The following GSPT1 variants were observed in gnomAD, a reference collection of about 807,000 sequenced individuals.
GSPT1 encodes G1 to S phase transition 1, also known as eukaryotic peptide chain release factor GTP-binding subunit ERF3A.
GSPT1 carries 20 observed loss-of-function variants against 72.5 expected under a neutral mutation model. The ratio of observed to expected loss-of-function variants is 0.28; its 90% CI spans 0.19 to 0.40. The LOEUF is 0.40. GSPT1 is among the 10% of genes least tolerant of loss of function. The probability of loss-of-function intolerance (pLI) is 1.00; values close to 1 mark genes in which losing one functional copy is unlikely to be tolerated. For missense variants in GSPT1, 580 were observed against 811.9 expected, an observed-to-expected ratio of 0.71 and a Z score of 3.47; for synonymous variants, 334 against 293.5, an observed-to-expected ratio of 1.14 and a Z score of -1.41.
At chr16:11,878,133 G>A (rs1184895163) in intron 11 of GSPT1, among the ~76,000 whole-genome samples, 1 of 151,998 alleles carries the variant, frequency 6.6e-6, no homozygotes, top group Non-Finnish European at 1.5e-5. Flanking sequence ...TTTTTATTTT[G>A]AGACAGAGTT....
intron 14 of GSPT1, among the ~76,000 whole-genome samples, chr16:11,875,252 A>T (rs1490036623): frequency 6.6e-6 from 1 of 152,108 alleles, no homozygotes; most frequent in Non-Finnish European, 1.5e-5. Context: ...GGACAGGAAT[A>T]TTAAAAGCTC....
At chr16:11,911,111 T>C (rs1002445402) in intron 1 of GSPT1, among the ~76,000 whole-genome samples, 2 of 152,234 alleles carry the variant, frequency 1.3e-5, no homozygotes, top group Admixed American at 6.5e-5. Context: ...AGCACTGTTC[T>C]TGCAGGCACT....
At chr16:11,908,792 A>AAAT (rs2054521703) in intron 1 of GSPT1, 1 of 113,688 alleles carries the variant, frequency 8.8e-6, no homozygotes, top group African/African-American at 2.9e-5. Flanking sequence ...AAAAAAAAAA[A>AAAT]TACAAAAATT....
At chr16:11,892,236 G>A (rs1335466540) in intron 5 of GSPT1, among the ~76,000 whole-genome samples, 2 of 151,752 alleles carry the variant, frequency 1.3e-5, no homozygotes, top group African/African-American at 4.8e-5. Context: ...CTAGCTACTT[G>A]GGAGGCTGAA....
chr16:11,898,441 CTTT>C (rs5815660), intron 1 of GSPT1, among the ~76,000 whole-genome samples: 31 of 107,026 alleles, frequency 2.9e-4, no homozygotes, highest in African/African-American at 7.5e-4. Flanking sequence ...GTGATTAGCC[CTTT>C]TTTTTTTTTT....
Position 11,897,876 on chromosome 16 carries a change from T to C in GSPT1, c.400A>G (p.Asn134Asp), listed in dbSNP as rs749346748. The change falls in exon 3 of 15, where the codon AAT becomes GAT. Residue 134 changes from asparagine to aspartate, a missense_variant. Transcript: ENST00000434724. ...GAAAGTTCCATGCTAACAGCTGAAT[T>C]TGAACCTAGACAAGAGATTGAAATA... is the stretch of plus-strand genomic sequence containing the variant. ...QEEQSLCEGS[N>D]SAVSMELSEP... 66 of 1,543,856 alleles carry C rather than the reference T, an allele frequency of 4.3e-5. No homozygotes were observed. In the Admixed American group the frequency reaches 5.5e-4, roughly 13 times the overall value.
intron 10 of GSPT1, among the ~76,000 whole-genome samples, chr16:11,884,678 C>T (rs986982944): frequency 1.3e-5 from 2 of 150,998 alleles, no homozygotes; most frequent in African/African-American, 4.9e-5. Flanking sequence ...GCTGGAGAAT[C>T]TCTTGAACCT....
intron 5 of GSPT1, among the ~76,000 whole-genome samples, chr16:11,893,353 G>A (rs2054293748): frequency 6.6e-6 from 1 of 151,876 alleles, no homozygotes; most frequent in African/African-American, 2.4e-5. Context: ...CTTGAAGCCT[G>A]GGCTCAAATG....
chr16:11,886,485 G>T lies in GSPT1; in HGVS notation c.1239C>A (p.Phe413Leu). 6.2e-7 allele frequency: 1 copy of T among 1,612,436 alleles called. No homozygotes were observed. The highest frequency in any genetic ancestry group is 8.5e-7 in the Non-Finnish European group (1 of 1,178,932). ...TGANLKEQSDFCPWYIGLPFI... is the reference protein window; with the variant it reads ...TGANLKEQSDLCPWYIGLPFI... ...CAGTTACTTACATGTACCAAGGACA[G>T]AAATCCGACTGCTCTTTGAGATTTG... Residue 413 changes from phenylalanine (F) to leucine (L), a missense_variant, in exon 9 of 15, where the codon TTC becomes TTA. Physicochemically the swap from Phe to Leu is conservative, Grantham distance 22. This residue lies in a region of GSPT1 where 45 missense variants were observed against 43.0 expected (regional missense o/e 1.05). Transcript: ENST00000434724.
chr16:11,896,926 C>T, intron 3 of GSPT1, 141 bp from the exon 4 acceptor site: 1 of 637,044 alleles, frequency 1.6e-6, no homozygotes, highest in Non-Finnish European at 2.7e-6. Flanking sequence ...AGCAGGAAAA[C>T]CTCTTTCATA....
upstream of GSPT1, chr16:11,916,069 C>T: frequency 1.8e-6 from 1 of 557,536 alleles, no homozygotes; most frequent in East Asian, 4.7e-5. Context: ...TCTGTTCTGG[C>T]CGCCCCCGTT....
chr16:11,902,153 C>T (rs139015734), intron 1 of GSPT1, among the ~76,000 whole-genome samples: 1,527 of 150,452 alleles, frequency 0.01, 12 homozygotes, highest in Non-Finnish European at 0.017. Context: ...GAGGCCGAGG[C>T]GGGTGGATCA....
At chr16:11,875,671 T>C (rs2054039105) in intron 14 of GSPT1, 90 bp downstream of exon 14, 1 of 852,624 alleles carries the variant, frequency 1.2e-6, no homozygotes, top group Non-Finnish European at 1.8e-6. Context: ...TCTGTGAACC[T>C]GTTGCAATGT....
At chr16:11,887,198 G>A (rs2054195938) in intron 7 of GSPT1, among the ~76,000 whole-genome samples, 1 of 151,370 alleles carries the variant, frequency 6.6e-6, no homozygotes, top group Non-Finnish European at 1.5e-5. Flanking sequence ...AACTACAAAG[G>A]AAAAAAAATT....
chr16:11,868,194 T>C lies in GSPT1; in HGVS notation c.*4925A>G, dbSNP rs1286474277. 2.6e-5 allele frequency: 4 copies of C among 152,166 alleles called. No individual in the cohort carries two copies. Among genetic ancestry groups the C allele is most frequent in the East Asian group, 1.9e-4 (1 of 5,196 alleles). 9.4% of individuals were successfully genotyped at this position (152,166 alleles called of 1,614,324 possible). ...CAAATTTAATTTGTCATTTGAATAATTGCAAGAGCAGACTAAGGGCTTAAT... is the reference window on the plus strand; with the variant it reads ...CAAATTTAATTTGTCATTTGAATAACTGCAAGAGCAGACTAAGGGCTTAAT... On this transcript the variant is annotated 3_prime_UTR_variant, in exon 15 of 15. Transcript: ENST00000434724.
chr16:11,887,527 G>A (rs1416880033), intron 7 of GSPT1, 43 bp downstream of exon 7: 1 of 1,477,930 alleles, frequency 6.8e-7, no homozygotes, highest in South Asian at 1.2e-5. Context: ...TATAAGCGGG[G>A]CTACTAACAA....
intron 14 of GSPT1, among the ~76,000 whole-genome samples, chr16:11,873,489 T>TTA (rs1370680602): frequency 6.6e-6 from 1 of 152,192 alleles, no homozygotes; most frequent in Non-Finnish European, 1.5e-5. Flanking sequence ...TTTTGTATTT[T>TTA]TAGTTGAGAC....
At chr16:11,903,285 C>T (rs780477094) in intron 1 of GSPT1, among the ~76,000 whole-genome samples, 19 of 151,896 alleles carry the variant, frequency 1.3e-4, no homozygotes, top group Non-Finnish European at 1.0e-4. Context: ...CTGAGGCAGA[C>T]GGACCACATG....
At chr16:11,887,902 C>T (rs2054203704) in intron 6 of GSPT1, among the ~76,000 whole-genome samples, 152 bp from the exon 7 acceptor site, 1 of 152,200 alleles carries the variant, frequency 6.6e-6, no homozygotes, top group African/African-American at 2.4e-5. Flanking sequence ...CGGTGGCTCA[C>T]ATCTGTAATC....
Sources: gnomAD v4.1 joint callset for allele counts (sites outside exome capture counted in the v4.1 genomes callset) on GRCh38, gnomAD v4.1.1 for gene constraint, gnomAD v4.1.1 regional missense constraint, MANE v1.5 for transcripts, NCBI Gene and HGNC (gene_info 2026-07-23, HGNC 2026-07-21) for gene names.